The following SLC9A9 variants were observed in gnomAD, a reference collection of about 807,000 sequenced individuals.
SLC9A9 encodes the protein sodium/hydrogen exchanger 9.
SLC9A9 carries 62 observed loss-of-function variants against 77.8 expected under a neutral mutation model. The ratio of observed to expected loss-of-function variants is 0.80; its 90% CI spans 0.65 to 0.98. The LOEUF is 0.98. SLC9A9 is among the 50% of genes least tolerant of loss of function. SLC9A9 has a pLI of 0.00. For synonymous variants in SLC9A9, 320 were observed against 283.5 expected, an observed-to-expected ratio of 1.13 and a Z score of -1.29; for missense variants, 775 against 774.9, an observed-to-expected ratio of 1.00 and a Z score of 0.00.
chr3:143,528,802 T>TAA (rs5853112), intron 9 of SLC9A9, among the ~76,000 whole-genome samples: 26 of 147,922 alleles, frequency 1.8e-4, no homozygotes, highest in East Asian at 7.9e-4. Flanking sequence ...AGCTCAAAAG[T>TAA]AAAAAAAAAA....
At chr3:143,601,543 C>G (rs2037845142) in intron 6 of SLC9A9, among the ~76,000 whole-genome samples, 2 of 152,218 alleles carry the variant, frequency 1.3e-5, no homozygotes, top group African/African-American at 4.8e-5. Flanking sequence ...TGCTCTTTCA[C>G]TGTATCACAC....
intron 13 of SLC9A9, among the ~76,000 whole-genome samples, chr3:143,370,248 A>G (rs1478141303): frequency 6.6e-6 from 1 of 152,224 alleles, no homozygotes; most frequent in Non-Finnish European, 1.5e-5. Context: ...AAGAGATAAT[A>G]AAATGTTGAG....
At chr3:143,446,897 T>C (rs1024522798) in intron 12 of SLC9A9, among the ~76,000 whole-genome samples, 2 of 148,808 alleles carry the variant, frequency 1.3e-5, no homozygotes, top group Admixed American at 6.6e-5. Context: ...TGTGTGTGTG[T>C]GCATGCACAC....
intron 4 of SLC9A9, among the ~76,000 whole-genome samples, chr3:143,791,350 A>G (rs1378490629): frequency 1.3e-5 from 2 of 152,244 alleles, no homozygotes; most frequent in Admixed American, 6.5e-5. Context: ...GACCTTGTTC[A>G]TGCAAATAAA....
At chr3:143,692,073 C>T (rs893261629) in intron 5 of SLC9A9, among the ~76,000 whole-genome samples, 14 of 152,082 alleles carry the variant, frequency 9.2e-5, no homozygotes, top group African/African-American at 3.4e-4. Context: ...AAACCTCTGA[C>T]TCTAACCATC....
intron 4 of SLC9A9, among the ~76,000 whole-genome samples, chr3:143,753,491 C>A (rs2006815679): frequency 6.6e-6 from 1 of 152,220 alleles, no homozygotes; most frequent in Admixed American, 6.5e-5. Flanking sequence ...AGGAAGCCAA[C>A]AGAGGTCTTT....
intron 14 of SLC9A9, chr3:143,314,551 A>T (rs1406992229): frequency 6.6e-6 from 1 of 152,282 alleles, no homozygotes; most frequent in African/African-American, 2.4e-5. Flanking sequence ...CTCAGAATTT[A>T]AAACAAAGCT....
At chr3:143,530,567 C>G (rs2036489650) in intron 9 of SLC9A9, among the ~76,000 whole-genome samples, 1 of 152,062 alleles carries the variant, frequency 6.6e-6, no homozygotes, top group African/African-American at 2.4e-5. Context: ...CAGACTAATA[C>G]AGTTAGTAAG....
Position 143,442,234 on chromosome 3 carries a change from G to A in SLC9A9, c.1469+24803C>T, listed in dbSNP as rs569696028. Among the ~76,000 whole-genome samples, 9 of 152,296 alleles carry A rather than the reference G, an allele frequency of 5.9e-5. No individual in the cohort carries two copies. The East Asian group carries it at 1.4e-3, about 23-fold the overall frequency. On this transcript the variant is annotated intron_variant, in intron 12 of 15. Coordinates refer to ENST00000316549, the MANE Select transcript of SLC9A9 (RefSeq NM_173653.4). The stretch of plus-strand genomic sequence containing the variant: ...AACAAGATGGGCTTCCTACAAAACA[G>A]TTTCTGAAAGGACTCATGTACTGTT...
intron 4 of SLC9A9, among the ~76,000 whole-genome samples, chr3:143,759,679 G>C (rs546648161): frequency 4.0e-5 from 6 of 151,284 alleles, no homozygotes; most frequent in Non-Finnish European, 7.4e-5. Context: ...CTCTGGGTTG[G>C]TTTCCATCAC....
At chr3:143,604,140 C>A (rs949891778) in intron 6 of SLC9A9, among the ~76,000 whole-genome samples, 1 of 152,134 alleles carries the variant, frequency 6.6e-6, no homozygotes, top group Non-Finnish European at 1.5e-5. Flanking sequence ...AAATTAAGGT[C>A]TATTTTGTGC....
At chr3:143,632,614 G>A (rs2038446026) in intron 6 of SLC9A9, among the ~76,000 whole-genome samples, 1 of 151,958 alleles carries the variant, frequency 6.6e-6, no homozygotes, top group Non-Finnish European at 1.5e-5. Context: ...ATTTTCCTGA[G>A]ACAAGTTTAT....
chr3:143,813,020 CAG>C (rs1455615449), intron 2 of SLC9A9, among the ~76,000 whole-genome samples: 2 of 151,818 alleles, frequency 1.3e-5, no homozygotes, highest in Admixed American at 1.3e-4. Flanking sequence ...TTGGGGAAGA[CAG>C]GGGAGAACTT....
chr3:143,758,157 G>T (rs917139218), intron 4 of SLC9A9, among the ~76,000 whole-genome samples: 3 of 152,146 alleles, frequency 2.0e-5, no homozygotes, highest in African/African-American at 7.2e-5. Flanking sequence ...ACATAATGAG[G>T]CCATTGCCAA....
intron 5 of SLC9A9, among the ~76,000 whole-genome samples, chr3:143,662,751 A>AG (rs1217767579): frequency 1.3e-5 from 2 of 151,962 alleles, no homozygotes; most frequent in African/African-American, 2.4e-5. Flanking sequence ...AGGCTGGGGG[A>AG]GGGGTGTCTG....
chr3:143,389,415 G>T (rs894822322), intron 12 of SLC9A9, among the ~76,000 whole-genome samples: 7 of 152,188 alleles, frequency 4.6e-5, no homozygotes, highest in Non-Finnish European at 7.3e-5. Flanking sequence ...GAGGGCCATT[G>T]TGCAGGACAG....
intron 8 of SLC9A9, among the ~76,000 whole-genome samples, chr3:143,556,396 C>T (rs1435259445): frequency 6.6e-6 from 1 of 152,230 alleles, no homozygotes; most frequent in African/African-American, 2.4e-5. Context: ...TTTGCCAGTG[C>T]TGTTGGATCC....
intron 12 of SLC9A9, among the ~76,000 whole-genome samples, chr3:143,441,680 T>C (rs1274042459): frequency 6.6e-6 from 1 of 152,134 alleles, no homozygotes; most frequent in Admixed American, 6.5e-5. Context: ...AAGTGATCAA[T>C]GTGTGCTCTG....
Position 143,783,762 on chromosome 3 carries a change from T to A in SLC9A9, c.533+11239A>T, listed in dbSNP as rs147278360. Among the ~76,000 whole-genome samples, 65 of 152,254 alleles carry A rather than the reference T, an allele frequency of 4.3e-4. 1 individual carries two copies. Among genetic ancestry groups the A allele is most frequent in the African/African-American group, 1.3e-3 (52 of 41,542 alleles). The stretch of plus-strand genomic sequence containing the variant: ...GAATAGAGAAGAGCAAACAATTATG[T>A]TTGACAGTTTTGGTAATATTGTAGT... On this transcript the variant is annotated intron_variant, in intron 4 of 15. Transcript: ENST00000316549.
Sources: gnomAD v4.1 joint callset for allele counts (sites outside exome capture counted in the v4.1 genomes callset) on GRCh38, gnomAD v4.1.1 for gene constraint, MANE v1.5 for transcripts, NCBI Gene and HGNC (gene_info 2026-07-23, HGNC 2026-07-21) for gene names.